IBTK: variants seen among roughly 807,000 people sequenced by gnomAD.
The protein encoded by IBTK is inhibitor of Bruton tyrosine kinase, also known as BTK-binding protein.
IBTK carries 83 observed loss-of-function variants against 154.9 expected under a neutral mutation model. The ratio of observed to expected loss-of-function variants is 0.54; its 90% CI spans 0.45 to 0.64. IBTK has a LOEUF of 0.64. Among genes scored for constraint, IBTK ranks in the 30% least tolerant of loss-of-function variants. The probability of loss-of-function intolerance (pLI) is 0.00; values close to 1 mark genes in which losing one functional copy is unlikely to be tolerated. For synonymous variants in IBTK, 515 were observed against 536.1 expected (o/e 0.96, Z 0.54); for missense variants, 1,332 against 1,584.6 (o/e 0.84, Z 2.71).
chr6:82,184,541 C>T (rs575938446), intron 25 of IBTK, among the ~76,000 whole-genome samples: 2 of 152,286 alleles, frequency 1.3e-5, no homozygotes, highest in South Asian at 2.1e-4. Flanking sequence ...CCCATACATA[C>T]TTAGTGTTTT....
rs780101442 is a variant in IBTK at position 82,234,220 on chromosome 6, G to C, written c.357C>G (p.Gly119=). ...TCATTACAAGATCCAAAGCTGACAA[G>C]CCTTCTTTATCTTGAATATACAGAC... ...GVSLYIQDKE[G]LSALDLVMKD... Residue 119 remains glycine, a synonymous_variant, in exon 3 of 29, where the codon GGC becomes GGG. Coordinates refer to ENST00000306270, the MANE Select transcript of IBTK (RefSeq NM_015525.4). The C allele has an allele frequency of 6.2e-7, 1 of 1,602,548 alleles. No homozygotes were observed. The highest frequency in any genetic ancestry group is 8.5e-7 in the Non-Finnish European group (1 of 1,172,252).
At chr6:82,227,147 C>A in intron 5 of IBTK, 45 bp downstream of exon 5, 1 of 1,308,558 alleles carries the variant, frequency 7.6e-7, no homozygotes, top group Non-Finnish European at 1.1e-6. Flanking sequence ...AGCTTATCAG[C>A]ATTTTTCTAA....
rs1327114098 is a variant in IBTK at position 82,211,546 on chromosome 6, T to G, written c.2318A>C (p.Lys773Thr). 6.2e-7 allele frequency: 1 copy of G among 1,613,770 alleles called. No individual in the cohort carries two copies. Among genetic ancestry groups the G allele is most frequent in the Non-Finnish European group, 8.5e-7 (1 of 1,179,726 alleles). ...KCSFLCDVTM[K>T]SVDGKEFPCH... The stretch of plus-strand genomic sequence containing the variant: ...AGGAAATTCCTTTCCATCCACTGAT[T>G]TCATGGTCACGTCACACAGAAATGA... Residue 773 changes from lysine to threonine, a missense_variant, in exon 14 of 29, where the codon AAA (lysine) becomes ACA (threonine). Coordinates refer to ENST00000306270, the MANE Select transcript of IBTK (RefSeq NM_015525.4).
At chr6:82,175,014 A>G (rs935249997) in intron 26 of IBTK, 2 of 456,046 alleles carry the variant, frequency 4.4e-6, no homozygotes, top group African/African-American at 2.0e-5. Flanking sequence ...TTCAATCATT[A>G]TGATAAAGCA....
intron 23 of IBTK, among the ~76,000 whole-genome samples, chr6:82,192,218 T>C (rs952233150): frequency 6.6e-6 from 1 of 152,144 alleles, no homozygotes; most frequent in African/African-American, 2.4e-5. Context: ...GAAAGATTCT[T>C]AACTAAATTA....
intron 4 of IBTK, among the ~76,000 whole-genome samples, chr6:82,228,843 G>A (rs954757983): frequency 2.0e-5 from 3 of 151,854 alleles, no homozygotes; most frequent in Admixed American, 1.3e-4. Context: ...GGATGGTCTC[G>A]ATCTCCTGAC....
chr6:82,206,270 CA>C (rs1769408906), intron 16 of IBTK, among the ~76,000 whole-genome samples: 1 of 152,138 alleles, frequency 6.6e-6, no homozygotes, highest in South Asian at 2.1e-4. Flanking sequence ...AGTTGTAGAG[CA>C]ATAGTATCCT....
At position 82,173,376 on chromosome 6, in the gene IBTK, T is replaced by C. The variant is rs1562065942; in HGVS notation, c.3788A>G (p.Asp1263Gly). The C allele has an allele frequency of 6.2e-7, 1 of 1,612,654 alleles. No homozygotes were observed. Among genetic ancestry groups the C allele is most frequent in the Non-Finnish European group, 8.5e-7 (1 of 1,178,768 alleles). ...GNHISDLPLL[D>G]SPNPWLSSSV... is the part of the protein sequence containing the mutation. ...TATCAATTAACCTTACTTGGGACTG[T>C]CTAGAAGTGGTAAATCTGAAATATG... is the stretch of plus-strand genomic sequence containing the variant. Residue 1263 changes from aspartate (D) to glycine (G), a missense_variant, in exon 27 of 29, where the codon GAC (aspartate) becomes GGC (glycine). Asp to Gly is a moderately conservative substitution (Grantham distance 94). Around this residue, in one of 3 missense-constraint regions of IBTK, gnomAD observed 1,134 missense variants for 1,274.7 expected, o/e 0.89. Transcript: ENST00000306270.
chr6:82,188,975 A>C, intron 25 of IBTK: 1 of 417,938 alleles, frequency 2.4e-6, no homozygotes, highest in Non-Finnish European at 4.7e-6. Context: ...GGTTGCAGTG[A>C]ACCAAGATCG....
chr6:82,212,694 T>C lies in IBTK; in HGVS notation c.2291+13A>G. 1 of 1,517,562 alleles carries C rather than the reference T, an allele frequency of 6.6e-7. No homozygotes were observed. Among genetic ancestry groups the C allele is most frequent in the East Asian group, 2.3e-5 (1 of 44,272 alleles). The allele number at this position is 1,517,562 out of a possible 1,614,324, so 94.0% of individuals were successfully genotyped here. A position where few individuals can be genotyped will look rare whatever the true frequency, so the allele number is the denominator to read the frequency against. On this transcript the variant is annotated intron_variant, in intron 13 of 28. Coordinates refer to ENST00000306270, the MANE Select transcript of IBTK (RefSeq NM_015525.4). ...TCCAGACATGAAATGTTAATCTTCC[T>C]TTCCTTACTTACCATTTTTTCTGAC...
In IBTK at chr6:82,224,133, C is replaced by T; in HGVS notation, c.878G>A (p.Arg293Lys). The change falls in exon 7 of 29, where the codon AGG becomes AAG. Residue 293 changes from arginine to lysine, a missense_variant. By Grantham distance (26) the Arg-to-Lys change is conservative. Coordinates refer to ENST00000306270, the MANE Select transcript of IBTK (RefSeq NM_015525.4). ...TCTAGTCCATAGGACTGTATGAAAC[C>T]TGCCTGCTGCAACGCCAATGATTGT... is the stretch of plus-strand genomic sequence containing the variant. ...GRTIIGVAAG[R>K]FHTVLWTREA... 1 of 1,614,082 alleles carries T rather than the reference C, an allele frequency of 6.2e-7. No individual in the cohort carries two copies. Among genetic ancestry groups the T allele is most frequent in the Non-Finnish European group, 8.5e-7 (1 of 1,179,970 alleles).
rs546895268 is a variant in IBTK at position 82,244,309 on chromosome 6, C to T, written c.-358+3253G>A. ...CTTGTTACCACTTCTCCAAAGAAAT[C>T]ATTATTGCTAAAGTTACTAATGACT... On this transcript the variant is annotated intron_variant, in intron 1 of 28. Transcript: ENST00000306270. Among the ~76,000 whole-genome samples the T allele has an allele frequency of 1.1e-4, 16 of 152,314 alleles. No individual in the cohort carries two copies. In the South Asian group the frequency reaches 3.3e-3, roughly 32 times the overall value.
chr6:82,219,722 C>T (rs999307812), intron 9 of IBTK, among the ~76,000 whole-genome samples: 11 of 151,294 alleles, frequency 7.3e-5, no homozygotes, highest in Admixed American at 2.0e-4. Context: ...GCATAAGGAA[C>T]TAAAATTAGA....
chr6:82,223,646 T>G, intron 7 of IBTK, 26 bp from the exon 8 acceptor site: 2 of 1,591,884 alleles, frequency 1.3e-6, no homozygotes, highest in Non-Finnish European at 1.7e-6. Flanking sequence ...AATAAGCAAA[T>G]CACAAAATAG....
chr6:82,237,661 GGTA>G (rs34696525), intron 2 of IBTK, among the ~76,000 whole-genome samples: 48 of 143,664 alleles, frequency 3.3e-4, no homozygotes, highest in Admixed American at 9.8e-4. Flanking sequence ...AGATAGTAGT[GGTA>G]GTAGTAGTAG....
intron 9 of IBTK, among the ~76,000 whole-genome samples, 189 bp downstream of exon 9, chr6:82,220,401 C>G (rs1054597856): frequency 3.3e-5 from 5 of 152,104 alleles, no homozygotes; most frequent in Non-Finnish European, 5.9e-5. Context: ...GTCTGTCATA[C>G]TTTCTCTAAA....
intron 26 of IBTK, among the ~76,000 whole-genome samples, chr6:82,179,696 C>A (rs181090227): frequency 1.3e-5 from 2 of 152,060 alleles, no homozygotes; most frequent in African/African-American, 2.4e-5. Context: ...GAATCAATTA[C>A]GGACTGATTG....
chr6:82,210,733 T>C (rs1769604587), intron 16 of IBTK, 81 bp downstream of exon 16: 2 of 561,760 alleles, frequency 3.6e-6, no homozygotes, highest in Non-Finnish European at 6.2e-6. Flanking sequence ...TTTTTTTCTA[T>C]TAGAAATTAA....
intron 17 of IBTK, 52 bp downstream of exon 17, chr6:82,204,805 A>C: frequency 8.8e-7 from 1 of 1,136,360 alleles, no homozygotes. Context: ...AAAGTACAGT[A>C]ATCCTTGATG....
Sources: allele counts gnomAD v4.1 joint callset (sites outside exome capture counted in the v4.1 genomes callset), GRCh38; gene constraint gnomAD v4.1.1; regional missense constraint gnomAD v4.1.1; transcripts MANE v1.5; gene names NCBI Gene and HGNC (gene_info 2026-07-23, HGNC 2026-07-21).